Variants in EYA3 observed in about 807,000 individuals in gnomAD.
The protein encoded by EYA3 is EYA transcriptional coactivator and phosphatase 3.
Under a neutral mutation model 80.0 loss-of-function variants are expected in EYA3, and 39 were observed. That is an observed-to-expected ratio of 0.49 (90% CI 0.38 to 0.64). EYA3 has a LOEUF of 0.64. Among genes scored for constraint, EYA3 ranks in the 30% least tolerant of loss-of-function variants. The pLI is 0.00. For missense variants in EYA3, 523 were observed against 676.1 expected, an observed-to-expected ratio of 0.77 and a Z score of 2.51; for synonymous variants, 206 against 232.8, an observed-to-expected ratio of 0.88 and a Z score of 1.05.
intron 1 of EYA3, among the ~76,000 whole-genome samples, chr1:28,078,291 C>T (rs989802997): frequency 1.3e-5 from 2 of 152,038 alleles, no homozygotes; most frequent in African/African-American, 2.4e-5. Flanking sequence ...TAACCTTTAG[C>T]TTTAAATCCA....
chr1:28,049,220 T>A (rs186982857), intron 2 of EYA3, among the ~76,000 whole-genome samples: 149 of 152,268 alleles, frequency 9.8e-4, no homozygotes, highest in Admixed American at 2.3e-3. Flanking sequence ...ACATTGACTA[T>A]TTCAGACAAG....
intron 11 of EYA3, among the ~76,000 whole-genome samples, chr1:28,002,179 T>C (rs952664146): frequency 2.6e-5 from 4 of 152,030 alleles, no homozygotes; most frequent in Non-Finnish European, 5.9e-5. Context: ...CCTCCCAAAG[T>C]GCTGGGATTA....
chr1:28,069,061 C>T (rs1000256628), intron 1 of EYA3, among the ~76,000 whole-genome samples: 4 of 152,162 alleles, frequency 2.6e-5, no homozygotes, highest in Non-Finnish European at 4.4e-5. Flanking sequence ...CCCGCCTTGG[C>T]CTCCCAAAGT....
chr1:28,047,639 C>CTT lies in EYA3; in HGVS notation c.77+742_77+743dup, dbSNP rs370957666. Among the ~76,000 whole-genome samples the CTT allele has an allele frequency of 1.3e-3, 175 of 133,202 alleles. 1 individual carries two copies. Among genetic ancestry groups the CTT allele is most frequent in the Middle Eastern group, 3.8e-3 (1 of 264 alleles). The allele number at this position is 133,202 out of a possible 152,430, so 87.4% of individuals were successfully genotyped here. On this transcript the variant is annotated intron_variant, in intron 3 of 17. Coordinates refer to ENST00000373871, the MANE Select transcript of EYA3 (RefSeq NM_001990.4). ...GGTGCAAACAAGCTGCCTCTTTTCT[C>CTT]TTTTTTTTTTTTTTTTTGAGACAGA...
At chr1:27,990,242 G>T in intron 14 of EYA3, 1 of 181,800 alleles carries the variant, frequency 5.5e-6, no homozygotes. Flanking sequence ...GGTGGTGGAG[G>T]CACAGGCCTG....
intron 3 of EYA3, among the ~76,000 whole-genome samples, chr1:28,047,959 AGAG>A (rs999588619): frequency 3.3e-5 from 5 of 152,118 alleles, no homozygotes; most frequent in African/African-American, 1.2e-4. Context: ...CTTTTCTATA[AGAG>A]GAGTGGGGTT....
At chr1:28,020,786 C>G (rs942201345) in intron 7 of EYA3, among the ~76,000 whole-genome samples, 10 of 150,166 alleles carry the variant, frequency 6.7e-5, no homozygotes, top group African/African-American at 2.5e-4. Flanking sequence ...ACAAAAACTA[C>G]AAATTTAGAG....
chr1:28,056,074 T>C (rs1644428977), intron 2 of EYA3, among the ~76,000 whole-genome samples: 1 of 152,194 alleles, frequency 6.6e-6, no homozygotes, highest in South Asian at 2.1e-4. Context: ...TTTTCATAGA[T>C]TCTGTATTTG....
intron 10 of EYA3, among the ~76,000 whole-genome samples, chr1:28,006,435 G>A (rs759359206): frequency 3.9e-5 from 6 of 152,128 alleles, no homozygotes; most frequent in East Asian, 3.9e-4. Context: ...AGCCGGGCGC[G>A]GTGGCTCACG....
intron 1 of EYA3, among the ~76,000 whole-genome samples, chr1:28,076,028 C>T (rs1321995624): frequency 6.6e-6 from 1 of 152,210 alleles, no homozygotes; most frequent in African/African-American, 2.4e-5. Flanking sequence ...TTAAGGCTCC[C>T]TTTAGTGTGA....
chr1:27,984,850 T>C (rs75676463), intron 16 of EYA3, among the ~76,000 whole-genome samples: 1 of 152,196 alleles, frequency 6.6e-6, no homozygotes, highest in Admixed American at 6.5e-5. Flanking sequence ...CTCTAAAGAG[T>C]TGTATAGTTC....
At chr1:27,988,117 G>C (rs7515504) in intron 16 of EYA3, among the ~76,000 whole-genome samples, 1 of 152,094 alleles carries the variant, frequency 6.6e-6, no homozygotes, top group Non-Finnish European at 1.5e-5. Context: ...TGATCCTCCC[G>C]TCTCAGCCTC....
At chr1:28,049,691 G>A (rs760459012) in intron 2 of EYA3, among the ~76,000 whole-genome samples, 3 of 152,108 alleles carry the variant, frequency 2.0e-5, no homozygotes, top group African/African-American at 4.8e-5. Flanking sequence ...CACTGAAAGA[G>A]GTGAGGGAAA....
chr1:27,976,781 G>A (rs927191235), intron 17 of EYA3, among the ~76,000 whole-genome samples: 4 of 152,000 alleles, frequency 2.6e-5, no homozygotes, highest in South Asian at 4.1e-4. Context: ...GCAGTGGCAC[G>A]ATCTCGGCTC....
chr1:28,056,423 T>TC (rs1251491678), intron 2 of EYA3, among the ~76,000 whole-genome samples: 1 of 152,112 alleles, frequency 6.6e-6, no homozygotes, highest in African/African-American at 2.4e-5. Flanking sequence ...CAGTGGTACT[T>TC]CCCCCGTGTG....
In EYA3 at chr1:28,013,887, A is replaced by C. The variant is rs1449037742; in HGVS notation, c.586-593T>G. ...AGACCAGCCTGACCAACATGGTGAA[A>C]CCCTGTTTCTACTAAAAATACAAAA... is the stretch of plus-strand genomic sequence containing the variant. On this transcript the variant is annotated intron_variant, in intron 8 of 17. Transcript: ENST00000373871. The surrounding 1 kb of genome is among the most constrained non-coding windows in gnomAD (Gnocchi z 4.0). Among the ~76,000 whole-genome samples the C allele has an allele frequency of 1.3e-5, 2 of 152,112 alleles. No individual in the cohort carries two copies. The highest frequency in any genetic ancestry group is 2.9e-5 in the Non-Finnish European group (2 of 68,026).
intron 2 of EYA3, among the ~76,000 whole-genome samples, chr1:28,051,657 A>G (rs1157095315): frequency 6.6e-6 from 1 of 152,222 alleles, no homozygotes; most frequent in Non-Finnish European, 1.5e-5. Context: ...ACTGCACTCC[A>G]GCCTGGGTGA....
chr1:27,983,366 G>A (rs1386507245), intron 16 of EYA3, among the ~76,000 whole-genome samples: 3 of 152,110 alleles, frequency 2.0e-5, no homozygotes, highest in Admixed American at 1.3e-4. Context: ...AGACATTAAC[G>A]TTCTCCAAAG....
At position 28,073,103 on chromosome 1, in the gene EYA3, T is replaced by TTCTCTATATATATATATATATATATA. The variant is rs1447435853; in HGVS notation, c.-68-15010_-68-15009insTATATATATATATATATATATAGAGA. Reference sequence around the variant, plus strand: ...ATCCTTTTTGGGATTGATGAAACTATTATATATATATATATATATATATAT... The same window carrying TTCTCTATATATATATATATATATATA: ...ATCCTTTTTGGGATTGATGAAACTATTCTCTATATATATATATATATATATATATATATATATATATATATATATAT... On this transcript the variant is annotated intron_variant, in intron 1 of 17. Coordinates refer to ENST00000373871, the MANE Select transcript of EYA3 (RefSeq NM_001990.4). 4.0e-3 allele frequency among the ~76,000 whole-genome samples: 151 copies of TTCTCTATATATATATATATATATATA among 37,738 alleles called. 7 individuals are homozygous for TTCTCTATATATATATATATATATATA. Among genetic ancestry groups the TTCTCTATATATATATATATATATATA allele is most frequent in the Non-Finnish European group, 4.8e-3 (113 of 23,416 alleles). 24.8% of individuals were successfully genotyped at this position (37,738 alleles called of 152,430 possible).
Sources: allele counts gnomAD v4.1 joint callset (sites outside exome capture counted in the v4.1 genomes callset), GRCh38; gene constraint gnomAD v4.1.1; non-coding constraint Gnocchi (gnomAD v3.1); transcripts MANE v1.5; gene names NCBI Gene and HGNC (gene_info 2026-07-23, HGNC 2026-07-21).